TRPC4: variants seen among roughly 807,000 people sequenced by gnomAD.
TRPC4 encodes transient receptor potential cation channel subfamily C member 4, also known as short transient receptor potential channel 4.
TRPC4 carries 49 observed loss-of-function variants against 99.4 expected under a neutral mutation model. The ratio of observed to expected loss-of-function variants is 0.49; its 90% CI spans 0.39 to 0.63. The LOEUF (loss-of-function observed/expected upper bound fraction) is 0.63. Among genes scored for constraint, TRPC4 ranks in the 20% least tolerant of loss-of-function variants. The probability of loss-of-function intolerance (pLI) is 0.00; values close to 1 mark genes in which losing one functional copy is unlikely to be tolerated. For missense variants in TRPC4, 898 were observed against 1,152.9 expected, an observed-to-expected ratio of 0.78 and a Z score of 3.20; for synonymous variants, 454 against 425.9, an observed-to-expected ratio of 1.07 and a Z score of -0.81.
intron 1 of TRPC4, among the ~76,000 whole-genome samples, chr13:37,829,497 G>A (rs553057620): frequency 1.4e-4 from 22 of 152,278 alleles, no homozygotes; most frequent in African/African-American, 5.1e-4. Flanking sequence ...TGGTAAGGAC[G>A]AGGCGAAATG....
intron 2 of TRPC4, among the ~76,000 whole-genome samples, chr13:37,748,528 T>C (rs1955847780): frequency 6.6e-6 from 1 of 152,056 alleles, no homozygotes; most frequent in South Asian, 2.1e-4. Context: ...ATATAGTAAG[T>C]TTATTAAAAT....
chr13:37,805,669 C>A (rs1011059870), intron 1 of TRPC4, among the ~76,000 whole-genome samples: 7 of 151,960 alleles, frequency 4.6e-5, no homozygotes, highest in African/African-American at 1.7e-4. Flanking sequence ...ATGTAAACTA[C>A]TCTGGACATT....
intron 1 of TRPC4, among the ~76,000 whole-genome samples, chr13:37,809,861 T>C (rs1235014017): frequency 6.6e-6 from 1 of 152,094 alleles, no homozygotes; most frequent in Non-Finnish European, 1.5e-5. Context: ...CCCTGGTATA[T>C]CAGATTCAGG....
Position 37,637,571 on chromosome 13 carries a change from C to T in TRPC4, c.2266G>A (p.Gly756Arg). ...GATTGTATTGTGGAAAGTTTGCTTC[C>T]TCTTAGTAATCCCAGGACTTCAAAG... is the stretch of plus-strand genomic sequence containing the variant. ...FRFEVLGLLR[G>R]SKLSTIQSAN... Residue 756 changes from glycine (G) to arginine (R), a missense_variant, in exon 11 of 11, where the codon GGA becomes AGA. By Grantham distance (125) the Gly-to-Arg change is moderately radical. Transcript: ENST00000379705. The T allele has an allele frequency of 6.2e-7, 1 of 1,611,692 alleles. No homozygotes were observed. Among genetic ancestry groups the T allele is most frequent in the Non-Finnish European group, 8.5e-7 (1 of 1,179,190 alleles).
At chr13:37,837,249 G>A (rs1958591268) in intron 1 of TRPC4, among the ~76,000 whole-genome samples, 1 of 152,256 alleles carries the variant, frequency 6.6e-6, no homozygotes, top group Non-Finnish European at 1.5e-5. Flanking sequence ...CCCCCACACA[G>A]AGTCCCTACC....
intron 1 of TRPC4, among the ~76,000 whole-genome samples, chr13:37,843,705 C>CACACACACACACAT (rs35659228): frequency 9.9e-5 from 15 of 151,764 alleles, no homozygotes; most frequent in African/African-American, 3.1e-4. Flanking sequence ...CACACACACA[C>CACACACACACACAT]GCACACATAC....
At position 37,862,824 on chromosome 13, in the gene TRPC4, G is replaced by A. The variant is rs114803679; in HGVS notation, c.-28+6771C>T. The stretch of plus-strand genomic sequence containing the variant: ...TAAGACCTCAGTAAAGTGTGTGCTC[G>A]TGTGTGTGTGTATGTGTGCGTATGT... On this transcript the variant is annotated intron_variant, in intron 1 of 10. Coordinates refer to ENST00000379705, the MANE Select transcript of TRPC4 (RefSeq NM_016179.4). 5.0e-3 allele frequency among the ~76,000 whole-genome samples: 755 copies of A among 151,324 alleles called. 6 individuals are homozygous for A. The highest frequency in any genetic ancestry group is 0.017 in the African/African-American group (724 of 41,434).
intron 5 of TRPC4, among the ~76,000 whole-genome samples, chr13:37,665,201 C>T (rs892778219): frequency 1.3e-5 from 2 of 152,136 alleles, no homozygotes; most frequent in African/African-American, 2.4e-5. Flanking sequence ...ATTGTCCTTC[C>T]TTTCCTCACT....
intron 1 of TRPC4, among the ~76,000 whole-genome samples, chr13:37,799,437 T>G (rs77296774): frequency 0.076 from 11,610 of 152,224 alleles, 1,286 homozygotes; most frequent in African/African-American, 0.25. Flanking sequence ...CTGTCTACAT[T>G]TTTTATTTTT....
At chr13:37,738,593 A>G (rs1172456279) in intron 3 of TRPC4, among the ~76,000 whole-genome samples, 4 of 152,174 alleles carry the variant, frequency 2.6e-5, no homozygotes, top group Admixed American at 2.6e-4. Flanking sequence ...AAAGTGGGAT[A>G]TATGCAGCAA....
At position 37,704,977 on chromosome 13, in the gene TRPC4, T is replaced by C. The variant is rs142279640; in HGVS notation, c.898-12642A>G. The stretch of plus-strand genomic sequence containing the variant: ...ATCTATAAGAAGTGAAATCATTATG[T>C]CCAAGAGATATCTGCACTTCTGTGT... On this transcript the variant is annotated intron_variant, in intron 3 of 10. Transcript: ENST00000379705. Among the ~76,000 whole-genome samples the C allele has an allele frequency of 3.7e-3, 566 of 152,274 alleles. 3 individuals are homozygous for C. Among genetic ancestry groups the C allele is most frequent in the Admixed American group, 6.2e-3 (94 of 15,282 alleles).
intron 1 of TRPC4, among the ~76,000 whole-genome samples, chr13:37,815,338 A>C (rs760955600): frequency 1.8e-4 from 28 of 151,934 alleles, no homozygotes; most frequent in Non-Finnish European, 3.2e-4. Context: ...TTAGATAAAG[A>C]AGAAAGACCC....
At chr13:37,711,754 G>C (rs1337857714) in intron 3 of TRPC4, among the ~76,000 whole-genome samples, 3 of 151,958 alleles carry the variant, frequency 2.0e-5, no homozygotes, top group African/African-American at 7.2e-5. Flanking sequence ...TAATGTATAA[G>C]TCTGGTACAG....
chr13:37,798,572 T>C (rs906607118), intron 1 of TRPC4, among the ~76,000 whole-genome samples: 1 of 152,282 alleles, frequency 6.6e-6, no homozygotes, highest in Admixed American at 6.5e-5. Context: ...GCTCATGGTA[T>C]GCAATGATGG....
chr13:37,709,327 T>C (rs1259799462), intron 3 of TRPC4, among the ~76,000 whole-genome samples: 1 of 152,010 alleles, frequency 6.6e-6, no homozygotes, highest in African/African-American at 2.4e-5. Flanking sequence ...CAAAACATCA[T>C]GAGGAAGTGT....
In TRPC4 at chr13:37,765,768, GT is replaced by G. The variant is rs547917093; in HGVS notation, c.378+17187del. The stretch of plus-strand genomic sequence containing the variant: ...GTATTAAATATAGAAGATTGCATAA[GT>G]GCTTTATTGTCTTTTGCTGATTTAT... On this transcript the variant is annotated intron_variant, in intron 2 of 10. Transcript: ENST00000379705. Among the ~76,000 whole-genome samples the G allele has an allele frequency of 2.0e-4, 31 of 151,486 alleles. 1 individual carries two copies. The South Asian group carries it at 6.0e-3, about 29-fold the overall frequency.
intron 2 of TRPC4, among the ~76,000 whole-genome samples, chr13:37,771,150 G>T (rs1956541061): frequency 6.6e-6 from 1 of 151,684 alleles, no homozygotes; most frequent in Non-Finnish European, 1.5e-5. Context: ...CCCTAAAACT[G>T]CAGTTGATTG....
At chr13:37,638,452 T>C (rs1951604701) in intron 10 of TRPC4, among the ~76,000 whole-genome samples, 1 of 152,174 alleles carries the variant, frequency 6.6e-6, no homozygotes, top group African/African-American at 2.4e-5. Context: ...TTTTTTAAAT[T>C]TGTTTGTTTG....
At position 37,634,785 on chromosome 13, in the gene TRPC4, G is replaced by A. The variant is rs1317949254; in HGVS notation, c.*2118C>T. The stretch of plus-strand genomic sequence containing the variant: ...ATAGGCCTACAATTTCTCTACTACT[G>A]TAGGTATGATTTAGAAAAAAATGAG... On this transcript the variant is annotated 3_prime_UTR_variant, in exon 11 of 11. Coordinates refer to ENST00000379705, the MANE Select transcript of TRPC4 (RefSeq NM_016179.4). 6.6e-6 allele frequency among the ~76,000 whole-genome samples: 1 copy of A among 152,068 alleles called. No homozygotes were observed. The highest frequency in any genetic ancestry group is 1.5e-5 in the Non-Finnish European group (1 of 67,974).
Sources: allele counts gnomAD v4.1 joint callset (sites outside exome capture counted in the v4.1 genomes callset), GRCh38; gene constraint gnomAD v4.1.1; transcripts MANE v1.5; gene names NCBI Gene and HGNC (gene_info 2026-07-23, HGNC 2026-07-21).